AQP5: variants seen among roughly 807,000 people sequenced by gnomAD.
AQP5 encodes aquaporin 5, also known as aquaporin-5.
In AQP5, 15 loss-of-function variants were observed where a neutral mutation model predicts 19.1. That is an observed-to-expected ratio of 0.79 (90% CI 0.53 to 1.21). The LOEUF is 1.21. AQP5 is among the 50% of genes most tolerant of loss of function. The pLI, the probability that AQP5 is intolerant of heterozygous loss-of-function variation, is 0.00. For synonymous variants in AQP5, 182 were observed against 160.3 expected (o/e 1.14, Z -1.02); for missense variants, 355 against 357.1 (o/e 0.99, Z 0.05).
At position 49,962,519 on chromosome 12, in the gene AQP5, G is replaced by A. The variant is rs1947440220; in HGVS notation, c.363+139G>A. On this transcript the variant is annotated intron_variant, in intron 1 of 3. Coordinates refer to ENST00000293599, the MANE Select transcript of AQP5 (RefSeq NM_001651.4). Reference sequence around the variant, plus strand: ...CACCAGGAAGGCAAGAGCCTCCCAAGGCCAGGAAGGCAACTCTCCAGGCTG... The same window carrying A: ...CACCAGGAAGGCAAGAGCCTCCCAAAGCCAGGAAGGCAACTCTCCAGGCTG... 3.7e-6 allele frequency: 5 copies of A among 1,342,834 alleles called. No individual in the cohort carries two copies. In the South Asian group the frequency reaches 6.2e-5, roughly 17 times the overall value. The allele number at this position is 1,342,834 out of a possible 1,614,324, so 83.2% of individuals were successfully genotyped here.
rs1392344261 is a variant in AQP5 at position 49,965,084 on chromosome 12, T to C, written c.705T>C (p.Arg235=). The change falls in exon 4 of 4, where the codon CGT becomes CGC. Residue 235 remains arginine, a synonymous_variant. Transcript: ENST00000293599. ...CCAACTCCCTGAGCCTGAGTGAGCGTGTGGCCATCATCAAAGGCACGTATG... is the reference window on the plus strand; with the variant it reads ...CCAACTCCCTGAGCCTGAGTGAGCGCGTGGCCATCATCAAAGGCACGTATG... ...LFPNSLSLSE[R]VAIIKGTYEP... 4.3e-6 allele frequency: 7 copies of C among 1,613,910 alleles called. No homozygotes were observed. Among genetic ancestry groups the C allele is most frequent in the Non-Finnish European group, 5.9e-6 (7 of 1,179,990 alleles).
At position 49,963,517 on chromosome 12, in the gene AQP5, A is replaced by C. The variant is rs1340102657; in HGVS notation, c.389A>C (p.Gln130Pro). Residue 130 changes from glutamine (Q) to proline (P), a missense_variant, in exon 2 of 4, where the codon CAG (glutamine) becomes CCG (proline). Gln to Pro is a moderately conservative substitution (Grantham distance 76). Coordinates refer to ENST00000293599, the MANE Select transcript of AQP5 (RefSeq NM_001651.4). ...NALNNNTTQG[Q>P]AMVVELILTF... ...CTCAACAACAACACAACGCAGGGCC[A>C]GGCCATGGTGGTGGAGCTGATTCTG... 1 of 1,613,890 alleles carries C rather than the reference A, an allele frequency of 6.2e-7. No individual in the cohort carries two copies.
chr12:49,963,617 G>A lies in AQP5; in HGVS notation c.489G>A (p.Leu163=), dbSNP rs1184264571. 1 of 1,613,798 alleles carries A rather than the reference G, an allele frequency of 6.2e-7. No individual in the cohort carries two copies. The highest frequency in any genetic ancestry group is 1.7e-5 in the Admixed American group (1 of 60,032). ...RRTSPVGSPA[L]SIGLSVTLGH... is the part of the protein sequence containing the mutation. ...CCAGCCCTGTGGGCTCCCCAGCCCTGTCCATTGGCCTGTCTGTCACCCTGG... is the reference window on the plus strand; with the variant it reads ...CCAGCCCTGTGGGCTCCCCAGCCCTATCCATTGGCCTGTCTGTCACCCTGG... Residue 163 remains leucine (L), a synonymous_variant, in exon 2 of 4, where the codon CTG becomes CTA. Coordinates refer to ENST00000293599, the MANE Select transcript of AQP5 (RefSeq NM_001651.4).
At chr12:49,962,471 A>G in intron 1 of AQP5, 91 bp downstream of exon 1, 1 of 1,039,574 alleles carries the variant, frequency 9.6e-7, no homozygotes, top group South Asian at 1.6e-5. Context: ...GGGGTGCCGC[A>G]GAGTGGGCCA....
rs140188041 is a variant in AQP5, at chr12:49,965,360, G to A, written c.*183G>A. 2 of 705,356 alleles carry A rather than the reference G, an allele frequency of 2.8e-6. No homozygotes were observed. Among genetic ancestry groups the A allele is most frequent in the Non-Finnish European group, 4.5e-6 (2 of 445,012 alleles). The allele number at this position is 705,356 out of a possible 1,614,324, so 43.7% of individuals were successfully genotyped here. A position where few individuals can be genotyped will look rare whatever the true frequency, so the allele number is the denominator to read the frequency against. On this transcript the variant is annotated 3_prime_UTR_variant, in exon 4 of 4. Coordinates refer to ENST00000293599, the MANE Select transcript of AQP5 (RefSeq NM_001651.4). ...CCATGATGGGACTCCTGGGGTAGGG[G>A]CCAGGGGCTGGGGTCTGCTGGGGAC...
At position 49,962,008 on chromosome 12, in the gene AQP5, C is replaced by G. The variant is rs538064477; in HGVS notation, c.-10C>G. 5.0e-6 allele frequency: 7 copies of G among 1,387,494 alleles called. No individual in the cohort carries two copies. Among genetic ancestry groups the G allele is most frequent in the Non-Finnish European group, 6.6e-6 (7 of 1,063,116 alleles). 85.9% of individuals were successfully genotyped at this position (1,387,494 alleles called of 1,614,324 possible). ...GCCGCGGCAGCTGCCGCCGGGCCCC[C>G]GCGGCCACCATGAAGAAGGAGGTGT... On this transcript the variant is annotated 5_prime_UTR_variant, in exon 1 of 4. Coordinates refer to ENST00000293599, the MANE Select transcript of AQP5 (RefSeq NM_001651.4).
chr12:49,964,760 C>G, intron 3 of AQP5: 3 of 985,388 alleles, frequency 3.0e-6, no homozygotes, highest in Non-Finnish European at 3.6e-6. Context: ...CTCTGGGAAT[C>G]TGTTTGCCTT....
At chr12:49,963,406 C>A in intron 1 of AQP5, 86 bp from the exon 2 acceptor site, 1 of 1,548,464 alleles carries the variant, frequency 6.5e-7, no homozygotes, top group Non-Finnish European at 8.8e-7. Flanking sequence ...CTCTAAGTGT[C>A]CCTGGAGGCC....
intron 3 of AQP5, chr12:49,964,697 C>T (rs1947470101): frequency 2.0e-6 from 2 of 985,290 alleles, no homozygotes; most frequent in Non-Finnish European, 2.4e-6. Flanking sequence ...CCACGTGTCC[C>T]CTCTGAAGGT....
intron 1 of AQP5, among the ~76,000 whole-genome samples, chr12:49,963,272 C>T (rs957023120): frequency 4.6e-5 from 7 of 152,364 alleles, no homozygotes; most frequent in African/African-American, 7.2e-5. Context: ...GCTACCCTGA[C>T]GCTCTGCCCT....
In AQP5 at chr12:49,962,138, A is replaced by ACCAT; in HGVS notation, c.124_127dup (p.Leu43HisfsTer110). The ACCAT allele has an allele frequency of 2.5e-6, 4 of 1,613,038 alleles. No individual in the cohort carries two copies. The highest frequency in any genetic ancestry group is 3.4e-6 in the Non-Finnish European group (4 of 1,179,798). Reference sequence around the variant, plus strand: ...CCTCAAGTGGCCGTCGGCGCTGCCTACCATCCTGCAGATCGCGCTGGCGTT... The same window carrying ACCAT: ...CCTCAAGTGGCCGTCGGCGCTGCCTACCATCCATCCTGCAGATCGCGCTGGCGTT... On this transcript the variant is annotated frameshift_variant, in exon 1 of 4. Coordinates refer to ENST00000293599, the MANE Select transcript of AQP5 (RefSeq NM_001651.4). LOFTEE classifies it high-confidence loss of function.
chr12:49,963,435 GC>G (rs1947450870), intron 1 of AQP5, 56 bp from the exon 2 acceptor site: 1 of 1,591,366 alleles, frequency 6.3e-7, no homozygotes, highest in Non-Finnish European at 8.6e-7. Flanking sequence ...TACTCCCCGA[GC>G]CCCTGGCTAT....
chr12:49,961,876 C>T lies in AQP5; in HGVS notation c.-142C>T, dbSNP rs973865432. The T allele has an allele frequency of 5.9e-6, 2 of 338,098 alleles. No homozygotes were observed. The highest frequency in any genetic ancestry group is 1.3e-4 in the Admixed American group (2 of 15,944). The allele number at this position is 338,098 out of a possible 1,614,324, so 20.9% of individuals were successfully genotyped here. A position where few individuals can be genotyped will look rare whatever the true frequency, so the allele number is the denominator to read the frequency against. Reference sequence around the variant, plus strand: ...CGCCCCAGCAGGGCCCGCGCCAGGCCGCCAGCCTCGGAGTGGGCGCGGGAC... The same window carrying T: ...CGCCCCAGCAGGGCCCGCGCCAGGCTGCCAGCCTCGGAGTGGGCGCGGGAC... On this transcript the variant is annotated 5_prime_UTR_variant, in exon 1 of 4. Transcript: ENST00000293599.
intron 2 of AQP5, 134 bp from the exon 3 acceptor site, chr12:49,963,958 G>C (rs1947458247): frequency 2.2e-6 from 2 of 919,066 alleles, no homozygotes; most frequent in African/African-American, 1.6e-5. Context: ...TGGGATCCTT[G>C]GAGGGAGAGG....
Position 49,962,046 on chromosome 12 carries a change from T to C in AQP5, c.29T>C (p.Phe10Ser). The change falls in exon 1 of 4, where the codon TTC (phenylalanine) becomes TCC (serine). Residue 10 changes from phenylalanine (F) to serine (S), a missense_variant. Phe to Ser is a radical substitution (Grantham distance 155, BLOSUM62 -2). Coordinates refer to ENST00000293599, the MANE Select transcript of AQP5 (RefSeq NM_001651.4). The part of the protein sequence containing the change: MKKEVCSVA[F>S]LKAVFAEFLA... Reference sequence around the variant, plus strand: ...AAGAAGGAGGTGTGCTCCGTGGCCTTCCTCAAGGCCGTGTTCGCAGAGTTC... The same window carrying C: ...AAGAAGGAGGTGTGCTCCGTGGCCTCCCTCAAGGCCGTGTTCGCAGAGTTC... 1 of 1,595,282 alleles carries C rather than the reference T, an allele frequency of 6.3e-7. No homozygotes were observed. Among genetic ancestry groups the C allele is most frequent in the Non-Finnish European group, 8.6e-7 (1 of 1,166,160 alleles).
At chr12:49,962,470 C>T (rs1025011798) in intron 1 of AQP5, 90 bp downstream of exon 1, 4 of 1,042,106 alleles carry the variant, frequency 3.8e-6, no homozygotes, top group Non-Finnish European at 5.3e-6. Context: ...AGGGGTGCCG[C>T]AGAGTGGGCC....
chr12:49,963,925 G>A, intron 2 of AQP5, 167 bp from the exon 3 acceptor site: 1 of 786,224 alleles, frequency 1.3e-6, no homozygotes, highest in Non-Finnish European at 2.0e-6. Flanking sequence ...GCGTAGTTAA[G>A]GGTCCATGGT....
chr12:49,964,782 T>C (rs1206951171), intron 3 of AQP5: 2 of 985,318 alleles, frequency 2.0e-6, no homozygotes, highest in Non-Finnish European at 2.4e-6. Flanking sequence ...TTTGAGGGTC[T>C]AGGTGTCTGT....
chr12:49,961,972 G>C lies in AQP5; in HGVS notation c.-46G>C, dbSNP rs1163779256. 5 of 1,284,702 alleles carry C rather than the reference G, an allele frequency of 3.9e-6. No individual in the cohort carries two copies. The highest frequency in any genetic ancestry group is 5.0e-6 in the Non-Finnish European group (5 of 1,005,776). 79.6% of individuals were successfully genotyped at this position (1,284,702 alleles called of 1,614,324 possible). A position where few individuals can be genotyped will look rare whatever the true frequency, so the allele number is the denominator to read the frequency against. ...CCTCCTCCGCCGCCTGCGACCCAAC[G>C]GGCGCCCCCCGCCGCGGCAGCTGCC... On this transcript the variant is annotated 5_prime_UTR_variant, in exon 1 of 4. Transcript: ENST00000293599.
Sources: gnomAD v4.1 joint callset for allele counts (sites outside exome capture counted in the v4.1 genomes callset) on GRCh38, gnomAD v4.1.1 for gene constraint, MANE v1.5 for transcripts, NCBI Gene and HGNC (gene_info 2026-07-23, HGNC 2026-07-21) for gene names.